The following MYO18A variants were observed in gnomAD, a reference collection of about 807,000 sequenced individuals.
The protein encoded by MYO18A is unconventional myosin-XVIIIa.
A neutral mutation model predicts 235.8 loss-of-function variants in MYO18A; 78 were observed. The observed-to-expected ratio is 0.33, with a 90% CI of 0.28 to 0.40. MYO18A has a LOEUF of 0.40. Among genes scored for constraint, MYO18A ranks in the 10% least tolerant of loss-of-function variants. The pLI is 1.00. For synonymous variants in MYO18A, 977 were observed against 1,077.8 expected (o/e 0.91, Z 1.83); for missense variants, 2,215 against 2,699.3 (o/e 0.82, Z 3.98).
Position 29,073,606 on chromosome 17 carries a change from A to G in MYO18A, c.*1164T>C. Reference sequence around the variant, plus strand: ...GAGTACAAACCAATTGCAGGAGAGAAGGGGGGCGGCAGATGGGAGCAGCAC... The same window carrying G: ...GAGTACAAACCAATTGCAGGAGAGAGGGGGGGCGGCAGATGGGAGCAGCAC... On this transcript the variant is annotated 3_prime_UTR_variant, in exon 42 of 42. Coordinates refer to ENST00000527372, the MANE Select transcript of MYO18A (RefSeq NM_078471.4). The G allele has an allele frequency of 2.2e-6, 1 of 447,628 alleles. No individual in the cohort carries two copies. 27.7% of individuals were successfully genotyped at this position (447,628 alleles called of 1,614,324 possible).
Position 29,118,311 on chromosome 17 carries a change from A to T in MYO18A, c.1893+66T>A. ...GCTGGGCTCCCACTATTCCCACAGGACCCATGGAGGCTTCTCCTACCCCCA... is the reference window on the plus strand; with the variant it reads ...GCTGGGCTCCCACTATTCCCACAGGTCCCATGGAGGCTTCTCCTACCCCCA... On this transcript the variant is annotated intron_variant, in intron 9 of 41. Transcript: ENST00000527372. The surrounding 1 kb of genome is among the most constrained non-coding windows in gnomAD (Gnocchi z 4.2). The T allele has an allele frequency of 6.4e-7, 1 of 1,566,964 alleles. No homozygotes were observed. Among genetic ancestry groups the T allele is most frequent in the Non-Finnish European group, 8.7e-7 (1 of 1,150,096 alleles).
intron 21 of MYO18A, among the ~76,000 whole-genome samples, chr17:29,100,647 C>T (rs1338625440): frequency 1.3e-5 from 2 of 151,948 alleles, no homozygotes; most frequent in African/African-American, 4.8e-5. Context: ...ATAGCTCTAT[C>T]CATGAGAGTG....
In MYO18A at chr17:29,094,957, G is replaced by A. The variant is rs916156128; in HGVS notation, c.4488C>T (p.Phe1496=). The change falls in exon 29 of 42, where the codon TTC becomes TTT. Residue 1496 remains phenylalanine (F), a synonymous_variant. Transcript: ENST00000527372. ...REKDMLLAEA[F]SLKQQLEEKD... ...CCACCTCTAGTTGCTGCTTCAGGCT[G>A]AAAGCCTCAGCGAGGAGCATGTCCT... 4 of 1,609,336 alleles carry A rather than the reference G, an allele frequency of 2.5e-6. No homozygotes were observed. The Admixed American group carries it at 6.7e-5, about 27-fold the overall frequency.
chr17:29,176,883 G>A (rs1175971876), intron 1 of MYO18A: 1 of 152,230 alleles, frequency 6.6e-6, no homozygotes, highest in Admixed American at 6.5e-5. Context: ...CCCCGCGGCT[G>A]GGCCGGCGCA....
chr17:29,102,326 C>A (rs1378336301), intron 21 of MYO18A, among the ~76,000 whole-genome samples: 1 of 152,198 alleles, frequency 6.6e-6, no homozygotes, highest in Non-Finnish European at 1.5e-5. Flanking sequence ...AGCAGCTCAG[C>A]CTGCTTGAGA....
chr17:29,082,522 CTTGGGCAGGGGGGAT>C, intron 40 of MYO18A, 84 bp from the exon 41 acceptor site: 1 of 1,456,346 alleles, frequency 6.9e-7, no homozygotes, highest in Non-Finnish European at 9.4e-7. Flanking sequence ...CAGGGGGTGT[CTTGGGCAGGGGGGAT>C]GTGGGCAGCA....
At chr17:29,137,421 A>G (rs11080081) in intron 2 of MYO18A, among the ~76,000 whole-genome samples, 55,443 of 152,090 alleles carry the variant, frequency 0.36, 10,385 homozygotes, top group East Asian at 0.53. Flanking sequence ...TAATCTCTAA[A>G]CCTGCTCACA....
Position 29,073,235 on chromosome 17 carries a change from GTC to G in MYO18A, c.*1533_*1534del, listed in dbSNP as rs1478953239. On this transcript the variant is annotated 3_prime_UTR_variant, in exon 42 of 42. Transcript: ENST00000527372. ...GAGGCTAGGGAGGATGAGGCTTGGA[GTC>G]TCTGCCACCCTTGCTAACCTGAATC... The G allele has an allele frequency of 6.6e-6, 1 of 152,244 alleles. No individual in the cohort carries two copies. Among genetic ancestry groups the G allele is most frequent in the African/African-American group, 2.4e-5 (1 of 41,438 alleles). The allele number at this position is 152,244 out of a possible 1,614,324, so 9.4% of individuals were successfully genotyped here.
chr17:29,090,420 G>C (rs1172665071), intron 36 of MYO18A, 112 bp downstream of exon 36: 1 of 943,230 alleles, frequency 1.1e-6, no homozygotes, highest in Non-Finnish European at 1.6e-6. Context: ...ACGCTGCTCT[G>C]TGGATTACTG....
intron 2 of MYO18A, chr17:29,128,012 G>C (rs73988919): frequency 1.0e-6 from 1 of 1,002,136 alleles, no homozygotes; most frequent in African/African-American, 1.7e-5. Flanking sequence ...TTTCTCAGGG[G>C]AGTCTGCCCA....
chr17:29,113,840 G>A (rs574437775), intron 15 of MYO18A, among the ~76,000 whole-genome samples, 171 bp downstream of exon 15: 2 of 152,202 alleles, frequency 1.3e-5, no homozygotes, highest in Non-Finnish European at 2.9e-5. Context: ...GAGTGCTGAG[G>A]GGCAGAGCCC....
At chr17:29,079,623 A>G in intron 41 of MYO18A, 1 of 793,408 alleles carries the variant, frequency 1.3e-6, no homozygotes, top group Non-Finnish European at 1.5e-6. Flanking sequence ...CATGCCCGAG[A>G]GGAGTGCGGG....
chr17:29,136,475 C>G (rs1372281801), intron 2 of MYO18A, among the ~76,000 whole-genome samples: 1 of 152,036 alleles, frequency 6.6e-6, no homozygotes, highest in Non-Finnish European at 1.5e-5. Context: ...CTTGTTCTCT[C>G]TCTAGAGATT....
intron 41 of MYO18A, among the ~76,000 whole-genome samples, chr17:29,081,528 T>A (rs540627879): frequency 6.6e-6 from 1 of 151,632 alleles, no homozygotes; most frequent in South Asian, 2.1e-4. Context: ...CCAGTCTACC[T>A]GCTGTCTCTG....
At chr17:29,107,305 G>T in intron 19 of MYO18A, 116 bp from the exon 20 acceptor site, 1 of 940,948 alleles carries the variant, frequency 1.1e-6, no homozygotes, top group Non-Finnish European at 1.7e-6. Context: ...AAACTGCAGG[G>T]GGTGGGGAGC....
chr17:29,102,721 G>C (rs1050294442), intron 21 of MYO18A, among the ~76,000 whole-genome samples: 2 of 152,228 alleles, frequency 1.3e-5, no homozygotes, highest in Admixed American at 6.5e-5. Flanking sequence ...TGACAGAGAC[G>C]AAGGGCAGGA....
In MYO18A at chr17:29,130,474, C is replaced by CCT. The variant is rs1470883412; in HGVS notation, c.1000-8222_1000-8221insAG. Among the ~76,000 whole-genome samples the CCT allele has an allele frequency of 1.0e-3, 142 of 142,236 alleles. 1 individual carries two copies. The highest frequency in any genetic ancestry group is 3.5e-3 in the Middle Eastern group (1 of 284). 93.3% of individuals were successfully genotyped at this position (142,236 alleles called of 152,430 possible). A position where few individuals can be genotyped will look rare whatever the true frequency, so the allele number is the denominator to read the frequency against. ...ATTCTGGGCAACTCTGAGGCCTCTCCCACACACACACACACACACACACAC... is the reference window on the plus strand; with the variant it reads ...ATTCTGGGCAACTCTGAGGCCTCTCCCTCACACACACACACACACACACACAC... On this transcript the variant is annotated intron_variant, in intron 2 of 41. Coordinates refer to ENST00000527372, the MANE Select transcript of MYO18A (RefSeq NM_078471.4).
chr17:29,179,349 C>T (rs536310925), intron 1 of MYO18A, among the ~76,000 whole-genome samples: 1 of 151,870 alleles, frequency 6.6e-6, no homozygotes, highest in Admixed American at 6.6e-5. Context: ...GGGCAACTCC[C>T]CCATCTCCAC....
chr17:29,111,656 G>A lies in MYO18A; in HGVS notation c.2740+66C>T. The A allele has an allele frequency of 6.2e-7, 1 of 1,611,598 alleles. No homozygotes were observed. Among genetic ancestry groups the A allele is most frequent in the East Asian group, 2.2e-5 (1 of 44,828 alleles). ...AGTGACCCCCGCCCCCTCCCAGGGA[G>A]TGCCACCTGGACCCACCTGTATGTA... On this transcript the variant is annotated intron_variant, in intron 16 of 41. Coordinates refer to ENST00000527372, the MANE Select transcript of MYO18A (RefSeq NM_078471.4). This position sits in a 1 kb window ranked among gnomAD's most constrained non-coding sequence, Gnocchi z 5.1.
Sources: gnomAD v4.1 joint callset for allele counts (sites outside exome capture counted in the v4.1 genomes callset) on GRCh38, gnomAD v4.1.1 for gene constraint, Gnocchi (gnomAD v3.1) non-coding constraint, MANE v1.5 for transcripts, NCBI Gene and HGNC (gene_info 2026-07-23, HGNC 2026-07-21) for gene names.